GCAT: variants seen among roughly 807,000 people sequenced by gnomAD.
GCAT encodes 2-amino-3-ketobutyrate coenzyme A ligase, mitochondrial.
GCAT carries 26 observed loss-of-function variants against 39.7 expected under a neutral mutation model. That is an observed-to-expected ratio of 0.65 (90% CI 0.48 to 0.91). The LOEUF (loss-of-function observed/expected upper bound fraction) is 0.91. Among genes scored for constraint, GCAT ranks in the 40% least tolerant of loss-of-function variants. The probability of loss-of-function intolerance (pLI) is 0.00; values close to 1 mark genes in which losing one functional copy is unlikely to be tolerated. For missense variants in GCAT, 550 were observed against 576.2 expected, an observed-to-expected ratio of 0.95 and a Z score of 0.47; for synonymous variants, 218 against 237.2, an observed-to-expected ratio of 0.92 and a Z score of 0.74.
chr22:37,815,094 C>T (rs1368041363), intron 4 of GCAT, 32 bp from the exon 5 acceptor site: 3 of 1,608,106 alleles, frequency 1.9e-6, no homozygotes, highest in Non-Finnish European at 2.5e-6. Flanking sequence ...CAACTTGACA[C>T]CACCCACCAT....
At chr22:37,809,231 C>T (rs1465802372) in intron 1 of GCAT, among the ~76,000 whole-genome samples, 1 of 152,198 alleles carries the variant, frequency 6.6e-6, no homozygotes, top group African/African-American at 2.4e-5. Flanking sequence ...CCTGTTTTTG[C>T]CTTTCCCAGG....
Position 37,815,715 on chromosome 22 carries a change from C to G in GCAT, c.867C>G (p.Ala289=). 1.2e-6 allele frequency: 2 copies of G among 1,613,644 alleles called. No individual in the cohort carries two copies. The highest frequency in any genetic ancestry group is 1.7e-6 in the Non-Finnish European group (2 of 1,179,896). ...GPLVSLLRQR[A]RPYLFSNSLP... ...TGGTGTCCCTGCTGCGGCAGCGCGC[C>G]CGGCCATACCTCTTCTCCAACAGTC... The change falls in exon 7 of 9, where the codon GCC becomes GCG. Residue 289 remains alanine, a synonymous_variant. Transcript: ENST00000248924.
In GCAT at chr22:37,815,811, G is replaced by A; in HGVS notation, c.963G>A (p.Gln321=). The A allele has an allele frequency of 6.2e-7, 1 of 1,614,046 alleles. No homozygotes were observed. The highest frequency in any genetic ancestry group is 1.1e-5 in the South Asian group (1 of 91,084). Reference sequence around the variant, plus strand: ...TGATGGGGAGTAACACCATTGTCCAGTCTATGGCTGCCAAGACCCAGAGGT... The same window carrying A: ...TGATGGGGAGTAACACCATTGTCCAATCTATGGCTGCCAAGACCCAGAGGT... The part of the protein sequence containing the change: ...DLLMGSNTIV[Q]SMAAKTQRFR... Residue 321 remains glutamine (Q), a synonymous_variant, in exon 7 of 9, where the codon CAG becomes CAA. Transcript: ENST00000248924.
Position 37,815,174 on chromosome 22 carries a change from G to A in GCAT, c.625G>A (p.Gly209Ser). Residue 209 changes from glycine (G) to serine (S), a missense_variant, in exon 5 of 9, where the codon GGC (glycine) becomes AGC (serine). Physicochemically the swap from Gly to Ser is moderately conservative, Grantham distance 56. Coordinates refer to ENST00000248924, the MANE Select transcript of GCAT (RefSeq NM_014291.4). ...VATDGAFSMD[G>S]DIAPLQEICC... is the part of the protein sequence containing the mutation. ...CACTGATGGGGCCTTTTCCATGGAT[G>A]GCGACATCGCACCCCTGCAGGAGAT... The A allele has an allele frequency of 6.2e-7, 1 of 1,614,072 alleles. No homozygotes were observed. The highest frequency in any genetic ancestry group is 8.5e-7 in the Non-Finnish European group (1 of 1,180,022).
rs756917958 is a variant in GCAT at position 37,815,860 on chromosome 22, G to A, written c.986+26G>A. ...GTGCGACTCCCAGCAGGGCAGGCTC[G>A]GGGGCGGAGAGACGTGGTGAGAGCC... On this transcript the variant is annotated intron_variant, in intron 7 of 8. Coordinates refer to ENST00000248924, the MANE Select transcript of GCAT (RefSeq NM_014291.4). 102 of 1,611,516 alleles carry A rather than the reference G, an allele frequency of 6.3e-5. 1 individual carries two copies. Among genetic ancestry groups the A allele is most frequent in the South Asian group, 6.3e-4 (57 of 90,934 alleles).
rs1380732591 is a variant in GCAT at position 37,813,515 on chromosome 22, C to G, written c.482C>G (p.Ser161Cys). The change falls in exon 4 of 9, where the codon TCC becomes TGC. Residue 161 changes from serine (S) to cysteine (C), a missense_variant. This residue lies in a region of GCAT where 378 missense variants were observed against 390.4 expected (regional missense o/e 0.97). Transcript: ENST00000248924. Reference sequence around the variant, plus strand: ...CTGTCGGACGAGCTGAACCATGCCTCCATCATCGACGGCATCCGGCTGTGC... The same window carrying G: ...CTGTCGGACGAGCTGAACCATGCCTGCATCATCGACGGCATCCGGCTGTGC... ...AVLSDELNHA[S>C]IIDGIRLCKA... 1 of 1,612,524 alleles carries G rather than the reference C, an allele frequency of 6.2e-7. No individual in the cohort carries two copies. Among genetic ancestry groups the G allele is most frequent in the East Asian group, 2.2e-5 (1 of 44,846 alleles).
chr22:37,815,876 G>A (rs773633920), intron 7 of GCAT, 42 bp downstream of exon 7: 5 of 1,606,060 alleles, frequency 3.1e-6, no homozygotes, highest in African/African-American at 1.3e-5. Context: ...GGAGAGACGT[G>A]GTGAGAGCCA....
intron 2 of GCAT, 62 bp from the exon 3 acceptor site, chr22:37,812,825 C>T (rs1921744370): frequency 8.9e-7 from 1 of 1,128,884 alleles, no homozygotes; most frequent in East Asian, 2.3e-5. Context: ...AGCCTCTGTC[C>T]CCTCGAACTT....
Position 37,812,988 on chromosome 22 carries a change from G to A in GCAT, c.429G>A (p.Glu143=). The A allele has an allele frequency of 6.2e-7, 1 of 1,607,488 alleles. No individual in the cohort carries two copies. The highest frequency in any genetic ancestry group is 8.5e-7 in the Non-Finnish European group (1 of 1,174,022). ...ATGACGCCAACGCCGGCCTCTTTGA[G>A]GTGTGTGGAAGCTGTCCTGCGGGTG... ...SCYDANAGLF[E]ALLTPEDAVL... Residue 143 remains glutamate, a splice_region_variant and synonymous_variant, in exon 3 of 9, where the codon GAG becomes GAA. Coordinates refer to ENST00000248924, the MANE Select transcript of GCAT (RefSeq NM_014291.4).
At chr22:37,812,451 G>T (rs769522648) in intron 2 of GCAT, among the ~76,000 whole-genome samples, 144 of 152,196 alleles carry the variant, frequency 9.5e-4, no homozygotes, top group Admixed American at 4.4e-3. Context: ...CTCCTGACTC[G>T]CATCCAGTCA....
chr22:37,811,828 A>G lies in GCAT; in HGVS notation c.328-1059A>G, dbSNP rs368633004. On this transcript the variant is annotated intron_variant, in intron 2 of 8. Coordinates refer to ENST00000248924, the MANE Select transcript of GCAT (RefSeq NM_014291.4). Reference sequence around the variant, plus strand: ...GAGGCAGGGGTTGCAGTGAGCCACGACGGTGCGACCACACTCCAGCCTGGG... The same window carrying G: ...GAGGCAGGGGTTGCAGTGAGCCACGGCGGTGCGACCACACTCCAGCCTGGG... 1.7e-3 allele frequency among the ~76,000 whole-genome samples: 253 copies of G among 146,380 alleles called. 2 individuals are homozygous for G. Among genetic ancestry groups the G allele is most frequent in the African/African-American group, 6.0e-3 (237 of 39,450 alleles).
intron 4 of GCAT, among the ~76,000 whole-genome samples, chr22:37,814,215 C>T (rs1450743561): frequency 1.3e-5 from 2 of 152,200 alleles, no homozygotes; most frequent in Non-Finnish European, 2.9e-5. Flanking sequence ...ATCCTCCCAC[C>T]TCAGTCTCCT....
chr22:37,816,073 G>A, intron 7 of GCAT, 127 bp from the exon 8 acceptor site: 1 of 1,225,612 alleles, frequency 8.2e-7, no homozygotes, highest in Non-Finnish European at 1.1e-6. Context: ...CTGCCTCTTA[G>A]AGCTTGTAAC....
rs746175979 is a variant in GCAT, at chr22:37,816,313, T to C, written c.1100T>C (p.Leu367Pro). Reference sequence around the variant, plus strand: ...GCCTCTCGCATGGCGGATGACATGCTGAAGAGAGGTAAGGGTGCTGAGACA... The same window carrying C: ...GCCTCTCGCATGGCGGATGACATGCCGAAGAGAGGTAAGGGTGCTGAGACA... Reference protein sequence around the residue: ...RLASRMADDMLKRGIFVIGFS... With the variant: ...RLASRMADDMPKRGIFVIGFS... The change falls in exon 8 of 9, where the codon CTG becomes CCG. Residue 367 changes from leucine to proline, a missense_variant. Physicochemically the swap from Leu to Pro is moderately conservative, Grantham distance 98. Coordinates refer to ENST00000248924, the MANE Select transcript of GCAT (RefSeq NM_014291.4). The C allele has an allele frequency of 6.2e-7, 1 of 1,610,912 alleles. No individual in the cohort carries two copies. The highest frequency in any genetic ancestry group is 1.7e-5 in the Admixed American group (1 of 60,002).
intron 1 of GCAT, among the ~76,000 whole-genome samples, chr22:37,808,906 C>T (rs1246162076): frequency 6.6e-6 from 1 of 152,178 alleles, no homozygotes; most frequent in African/African-American, 2.4e-5. Flanking sequence ...AGGCTGGTCT[C>T]GAACTCCTGA....
At chr22:37,812,270 A>G (rs534013621) in intron 2 of GCAT, among the ~76,000 whole-genome samples, 2 of 152,190 alleles carry the variant, frequency 1.3e-5, no homozygotes, top group South Asian at 4.2e-4. Context: ...TGAGCCCAGG[A>G]GTTCAAGGCT....
At chr22:37,808,533 C>A (rs2246503) in intron 1 of GCAT, among the ~76,000 whole-genome samples, 40,719 of 152,162 alleles carry the variant, frequency 0.27, 5,968 homozygotes, top group South Asian at 0.37. Context: ...CAGCTAGCTG[C>A]AGGCAGCGCT....
At chr22:37,811,894 A>G (rs994617939) in intron 2 of GCAT, among the ~76,000 whole-genome samples, 2 of 151,164 alleles carry the variant, frequency 1.3e-5, no homozygotes, top group Non-Finnish European at 2.9e-5. Flanking sequence ...AAAAAAAAGA[A>G]CATTACAAGT....
chr22:37,816,359 TGA>T (rs1922197970), intron 8 of GCAT, 38 bp downstream of exon 8: 1 of 1,601,682 alleles, frequency 6.2e-7, no homozygotes, highest in African/African-American at 1.3e-5. Context: ...TGGTGGGTCC[TGA>T]GAGAAGAGAA....
Sources: gnomAD v4.1 joint callset for allele counts (sites outside exome capture counted in the v4.1 genomes callset) on GRCh38, gnomAD v4.1.1 for gene constraint, gnomAD v4.1.1 regional missense constraint, MANE v1.5 for transcripts, NCBI Gene and HGNC (gene_info 2026-07-23, HGNC 2026-07-21) for gene names.